The following XPO7 variants were observed in gnomAD, a reference collection of about 807,000 sequenced individuals.
XPO7 encodes exportin-7.
A neutral mutation model predicts 144.3 loss-of-function variants in XPO7; 21 were observed. That is an observed-to-expected ratio of 0.15 (90% CI 0.10 to 0.21). The LOEUF is 0.21. Ranked by LOEUF, XPO7 falls within the 10% of genes least tolerant of loss-of-function variation. The pLI, the probability that XPO7 is intolerant of heterozygous loss-of-function variation, is 1.00. For synonymous variants in XPO7, 580 were observed against 499.6 expected, an observed-to-expected ratio of 1.16 and a Z score of -2.15; for missense variants, 808 against 1,325.8, an observed-to-expected ratio of 0.61 and a Z score of 6.06.
At chr8:21,986,560 G>A (rs1299348013) in intron 13 of XPO7, among the ~76,000 whole-genome samples, 2 of 152,150 alleles carry the variant, frequency 1.3e-5, no homozygotes, top group African/African-American at 2.4e-5. Context: ...AAAAGTCTCC[G>A]TAGCATTTTC....
intron 1 of XPO7, among the ~76,000 whole-genome samples, chr8:21,924,168 G>T (rs1304304146): frequency 6.6e-6 from 1 of 152,184 alleles, no homozygotes; most frequent in South Asian, 2.1e-4. Context: ...GGAGGCTGCA[G>T]TTCTTTACCA....
intron 21 of XPO7, among the ~76,000 whole-genome samples, chr8:21,996,106 C>T (rs937407781): frequency 3.9e-5 from 6 of 152,154 alleles, no homozygotes; most frequent in East Asian, 1.9e-4. Context: ...TGAGCCACTG[C>T]GCCCATCTAA....
At chr8:21,934,990 T>A (rs932020710) in intron 1 of XPO7, among the ~76,000 whole-genome samples, 4 of 152,176 alleles carry the variant, frequency 2.6e-5, no homozygotes, top group Non-Finnish European at 5.9e-5. Flanking sequence ...ACTTCATATG[T>A]TTTCATTTGG....
At chr8:21,935,840 C>G (rs765605512) in intron 1 of XPO7, among the ~76,000 whole-genome samples, 1 of 151,928 alleles carries the variant, frequency 6.6e-6, no homozygotes, top group Non-Finnish European at 1.5e-5. Flanking sequence ...ATATCTTTCT[C>G]TCTCTCTCAA....
At chr8:21,993,635 A>G (rs1344823495) in intron 19 of XPO7, among the ~76,000 whole-genome samples, 3 of 151,922 alleles carry the variant, frequency 2.0e-5, no homozygotes, top group South Asian at 4.1e-4. Context: ...CCTGATCTGG[A>G]CCCTCCTGCT....
chr8:21,960,436 C>A (rs770599853), intron 1 of XPO7, among the ~76,000 whole-genome samples: 1 of 152,154 alleles, frequency 6.6e-6, no homozygotes, highest in Non-Finnish European at 1.5e-5. Context: ...ACTTAAAAGT[C>A]AATAAACCAT....
At chr8:21,972,478 A>G (rs1173781596) in intron 5 of XPO7, among the ~76,000 whole-genome samples, 1 of 152,110 alleles carries the variant, frequency 6.6e-6, no homozygotes, top group African/African-American at 2.4e-5. Flanking sequence ...ACTCCATCTC[A>G]AAAAAAGCAA....
intron 1 of XPO7, among the ~76,000 whole-genome samples, chr8:21,946,982 G>A (rs571929208): frequency 6.6e-6 from 1 of 152,262 alleles, no homozygotes; most frequent in African/African-American, 2.4e-5. Context: ...GTCATTTTTA[G>A]ATAAACACAA....
rs1035807436 is a variant in XPO7 at position 21,987,014 on chromosome 8, T to A, written c.1578-127T>A. 3.1e-6 allele frequency: 4 copies of A among 1,309,598 alleles called. No homozygotes were observed. The African/African-American group carries it at 5.9e-5, about 19-fold the overall frequency. 81.1% of individuals were successfully genotyped at this position (1,309,598 alleles called of 1,614,324 possible). ...GTCCTGCCTCCCTCATTTATGTAGA[T>A]GAATTTGGTTGCAGGAGGTTGCTGT... On this transcript the variant is annotated intron_variant, in intron 13 of 27. Coordinates refer to ENST00000252512, the MANE Select transcript of XPO7 (RefSeq NM_015024.5).
At position 21,990,817 on chromosome 8, in the gene XPO7, C is replaced by T. The variant is rs1812748149; in HGVS notation, c.1939C>T (p.His647Tyr). 6.2e-7 allele frequency: 1 copy of T among 1,613,706 alleles called. No individual in the cohort carries two copies. Among genetic ancestry groups the T allele is most frequent in the African/African-American group, 1.3e-5 (1 of 74,892 alleles). The change falls in exon 18 of 28, where the codon CAC becomes TAC. Residue 647 changes from histidine to tyrosine, a missense_variant. This residue lies in a region of XPO7 where 416 missense variants were observed against 612.5 expected (regional missense o/e 0.68). Coordinates refer to ENST00000252512, the MANE Select transcript of XPO7 (RefSeq NM_015024.5). ...CTTTTCTTTTTTTCAATAGAGCGAG[C>T]ACTTTTCATTTTTGGGTATTAACAA... ...QFMLNNHTSEHFSFLGINNQS... is the reference protein window; with the variant it reads ...QFMLNNHTSEYFSFLGINNQS...
At chr8:21,954,348 A>C (rs1811466759) in intron 1 of XPO7, among the ~76,000 whole-genome samples, 1 of 152,134 alleles carries the variant, frequency 6.6e-6, no homozygotes, top group African/African-American at 2.4e-5. Flanking sequence ...TAAAATAATA[A>C]ATGTGGGCTG....
intron 9 of XPO7, 59 bp downstream of exon 9, chr8:21,980,262 G>A: frequency 1.3e-6 from 2 of 1,511,154 alleles, no homozygotes; most frequent in South Asian, 1.3e-5. Context: ...GCTGTTATGA[G>A]TCAGAAGGAA....
At chr8:21,990,302 G>A (rs769656289) in intron 16 of XPO7, 42 bp from the exon 17 acceptor site, 2 of 1,602,966 alleles carry the variant, frequency 1.2e-6, no homozygotes, top group South Asian at 1.1e-5. Flanking sequence ...TAGAGTTTCG[G>A]CCTGCTTCAC....
At chr8:21,977,723 A>G (rs769837154) in intron 7 of XPO7, 47 bp from the exon 8 acceptor site, 26 of 1,568,530 alleles carry the variant, frequency 1.7e-5, no homozygotes, top group Middle Eastern at 1.7e-4. Flanking sequence ...GCCAGCGGCA[A>G]TGTTCATACT....
chr8:21,940,394 C>G (rs549365562), intron 1 of XPO7, among the ~76,000 whole-genome samples: 1 of 151,724 alleles, frequency 6.6e-6, no homozygotes, highest in East Asian at 1.9e-4. Context: ...TTTTATAGTC[C>G]CCACTGAGTG....
intron 1 of XPO7, among the ~76,000 whole-genome samples, chr8:21,935,262 A>C (rs1239247591): frequency 6.6e-6 from 1 of 152,236 alleles, no homozygotes; most frequent in Non-Finnish European, 1.5e-5. Context: ...TGTGGCAGGA[A>C]GTTTCCATGC....
chr8:21,976,288 T>G, intron 6 of XPO7, 68 bp from the exon 7 acceptor site: 1 of 1,557,910 alleles, frequency 6.4e-7, no homozygotes, highest in Non-Finnish European at 8.7e-7. Context: ...AACAGCTTTG[T>G]TGAGTCTGGG....
rs1170364778 is a variant in XPO7 at position 21,989,821 on chromosome 8, CTTTTTTTTTTTTTTTTTTTTTTTTT to C, written c.1869-501_1869-477del. 5.5e-3 allele frequency among the ~76,000 whole-genome samples: 327 copies of C among 59,712 alleles called. 26 individuals carry two copies. The East Asian group carries it at 0.1, about 18-fold the overall frequency. 39.2% of individuals were successfully genotyped at this position (59,712 alleles called of 152,430 possible). On this transcript the variant is annotated intron_variant, in intron 16 of 27. Transcript: ENST00000252512. ...AATAGGAGTTTGGTATAGGTGTTTC[CTTTTTTTTTTTTTTTTTTTTTTTTT>C]TTTTTTTTTTTTTTTTTTTTTGAGA...
At chr8:21,974,816 AAGAATG>A in intron 6 of XPO7, 42 bp downstream of exon 6, 1 of 1,455,734 alleles carries the variant, frequency 6.9e-7, no homozygotes, top group South Asian at 1.3e-5. Context: ...TTTCTTTTGA[AAGAATG>A]AGAATGGATG....
Sources: gnomAD v4.1 joint callset for allele counts (sites outside exome capture counted in the v4.1 genomes callset) on GRCh38, gnomAD v4.1.1 for gene constraint, gnomAD v4.1.1 regional missense constraint, MANE v1.5 for transcripts, NCBI Gene and HGNC (gene_info 2026-07-23, HGNC 2026-07-21) for gene names.